IGBP1: variants seen among roughly 807,000 people sequenced by gnomAD.
The protein encoded by IGBP1 is immunoglobulin binding protein 1, also known as immunoglobulin-binding protein 1.
In IGBP1, 2 loss-of-function variants were observed where a neutral mutation model predicts 25.9. The observed-to-expected ratio is 0.08, with a 90% CI of 0.03 to 0.24. The LOEUF (loss-of-function observed/expected upper bound fraction) is 0.24. Among genes scored for constraint, IGBP1 ranks in the 10% least tolerant of loss-of-function variants. IGBP1 has a pLI of 1.00. For missense variants in IGBP1, 187 were observed against 260.4 expected (o/e 0.72, Z 1.94); for synonymous variants, 96 against 93.4 (o/e 1.03, Z -0.16).
intron 3 of IGBP1, among the ~76,000 whole-genome samples, chrX:70,136,867 C>T (rs921292271): frequency 9.1e-6 from 1 of 109,915 alleles, no homozygotes. Flanking sequence ...CCACCACGCC[C>T]GGCTAGTTTT....
chrX:70,135,319 A>T (rs1285296915), intron 3 of IGBP1, among the ~76,000 whole-genome samples: 4 of 111,735 alleles, frequency 3.6e-5, no homozygotes, highest in African/African-American at 1.3e-4. Context: ...ACAACATTTA[A>T]TGGGTGGTCA....
chrX:70,139,311 CAAA>C (rs775830617), intron 3 of IGBP1, among the ~76,000 whole-genome samples: 1 of 39,433 alleles, frequency 2.5e-5, no homozygotes. Context: ...GACTCCGTCT[CAAA>C]AAAAAAAAAA....
chrX:70,136,693 T>C (rs1004392869), intron 3 of IGBP1, among the ~76,000 whole-genome samples: 1 of 102,123 alleles, frequency 9.8e-6, no homozygotes, highest in African/African-American at 3.8e-5. Flanking sequence ...TCTGTTTCTT[T>C]TTTCTTTATT....
intron 3 of IGBP1, among the ~76,000 whole-genome samples, chrX:70,135,320 T>A (rs1230428273): frequency 3.6e-5 from 4 of 111,974 alleles, no homozygotes; most frequent in African/African-American, 6.5e-5. Flanking sequence ...CAACATTTAA[T>A]GGGTGGTCAT....
chrX:70,139,739 G>A (rs1438095604), intron 3 of IGBP1, among the ~76,000 whole-genome samples: 1 of 111,539 alleles, frequency 9.0e-6, no homozygotes, highest in East Asian at 2.8e-4. Context: ...GCTACAAAAG[G>A]TATCTTCTAT....
At chrX:70,147,555 A>T (rs2085174441) in intron 4 of IGBP1, among the ~76,000 whole-genome samples, 1 of 111,926 alleles carries the variant, frequency 8.9e-6, no homozygotes, top group South Asian at 3.7e-4. Flanking sequence ...GGATATGCTT[A>T]GGTTGGAGGA....
intron 3 of IGBP1, among the ~76,000 whole-genome samples, chrX:70,139,107 C>T (rs750904810): frequency 2.3e-4 from 26 of 111,011 alleles, no homozygotes; most frequent in Non-Finnish European, 4.5e-4. Flanking sequence ...GTCAGGAGTT[C>T]GAGACCAGCC....
chrX:70,163,365 T>G (rs2085280891), intron 6 of IGBP1, among the ~76,000 whole-genome samples: 1 of 110,049 alleles, frequency 9.1e-6, no homozygotes, highest in Admixed American at 9.8e-5. Context: ...AGCCCATAAT[T>G]ATATTATAAA....
At chrX:70,157,868 C>T (rs2085250736) in intron 6 of IGBP1, among the ~76,000 whole-genome samples, 1 of 112,141 alleles carries the variant, frequency 8.9e-6, no homozygotes, top group Non-Finnish European at 1.9e-5. Context: ...TGAGAGGTCA[C>T]TGAGCTATAC....
chrX:70,135,909 G>A (rs1367152205), intron 3 of IGBP1, among the ~76,000 whole-genome samples: 1 of 111,918 alleles, frequency 8.9e-6, no homozygotes, highest in African/African-American at 3.3e-5. Context: ...ACTGTGATTT[G>A]TGGTAAGTTA....
intron 4 of IGBP1, 50 bp downstream of exon 4, chrX:70,146,878 G>A: frequency 1.1e-6 from 1 of 920,437 alleles, no homozygotes. Context: ...TATTCTACAG[G>A]AGATCAAATT....
Position 70,134,692 on chromosome X carries a change from C to T in IGBP1, c.358C>T (p.His120Tyr). 8.3e-7 allele frequency: 1 copy of T among 1,211,223 alleles called. No individual in the cohort carries two copies. The highest frequency in any genetic ancestry group is 3.0e-5 in the East Asian group (1 of 33,861). ...INYLTQCHCY[H>Y]VAEFELPKTM... ...CTACTTAACTCAGTGCCATTGCTAT[C>T]ATGTGGCAGAGTTTGAGCTGCCCAA... is the stretch of plus-strand genomic sequence containing the variant. Residue 120 changes from histidine (H) to tyrosine (Y), a missense_variant, in exon 3 of 7, where the codon CAT becomes TAT. Physicochemically the swap from His to Tyr is moderately conservative, Grantham distance 83 (BLOSUM62 2). Transcript: ENST00000356413.
chrX:70,163,161 C>G (rs969123692), intron 6 of IGBP1, among the ~76,000 whole-genome samples: 10 of 110,605 alleles, frequency 9.0e-5, no homozygotes, highest in Non-Finnish European at 1.5e-4. Flanking sequence ...CCATGCACTA[C>G]CATGCCTGGC....
rs750849626 is a variant in IGBP1, at chrX:70,139,990, A to G, written c.482+5174A>G. On this transcript the variant is annotated intron_variant, in intron 3 of 6. Transcript: ENST00000356413. ...TGTCTGTGTGTGCAGTTCTCTTTGC[A>G]TGGAATGCTCGTCATATGGCTAATT... is the stretch of plus-strand genomic sequence containing the variant. 3.6e-5 allele frequency among the ~76,000 whole-genome samples: 4 copies of G among 112,520 alleles called. No homozygotes were observed. The East Asian group carries it at 1.1e-3, about 31-fold the overall frequency.
intron 3 of IGBP1, among the ~76,000 whole-genome samples, chrX:70,137,860 C>T (rs1295755279): frequency 3.7e-5 from 4 of 108,166 alleles, no homozygotes; most frequent in East Asian, 2.9e-4. Context: ...ACACCAGGCG[C>T]GGTGGCTTAT....
At chrX:70,137,218 T>C (rs769450463) in intron 3 of IGBP1, among the ~76,000 whole-genome samples, 1 of 110,733 alleles carries the variant, frequency 9.0e-6, no homozygotes, top group African/African-American at 3.3e-5. Flanking sequence ...GGAGGTGAGA[T>C]AGAAGGAAGC....
intron 6 of IGBP1, among the ~76,000 whole-genome samples, chrX:70,156,812 C>A (rs4844213): frequency 3.7e-5 from 4 of 109,558 alleles, no homozygotes; most frequent in African/African-American, 1.3e-4. Context: ...TGGTGGCGGG[C>A]GCCTGTAATC....
At chrX:70,136,237 C>T (rs951856897) in intron 3 of IGBP1, among the ~76,000 whole-genome samples, 2 of 111,482 alleles carry the variant, frequency 1.8e-5, no homozygotes, top group Admixed American at 9.6e-5. Flanking sequence ...CCCCGATTTG[C>T]GATGGCTTGT....
At chrX:70,133,689 C>T (rs1026439713) in intron 1 of IGBP1, 34 bp from the exon 2 acceptor site, 10 of 434,031 alleles carry the variant, frequency 2.3e-5, no homozygotes, top group Non-Finnish European at 3.6e-5. Context: ...TAAAACAGCG[C>T]CTAGGGTTTT....
Sources: allele counts gnomAD v4.1 joint callset (sites outside exome capture counted in the v4.1 genomes callset), GRCh38; gene constraint gnomAD v4.1.1; transcripts MANE v1.5; gene names NCBI Gene and HGNC (gene_info 2026-07-23, HGNC 2026-07-21).